MMP26: variants seen among roughly 807,000 people sequenced by gnomAD.
MMP26 encodes the protein matrix metalloproteinase-26.
Under a neutral mutation model 31.0 loss-of-function variants are expected in MMP26, and 33 were observed. The observed-to-expected ratio is 1.06, with a 90% CI of 0.81 to 1.42. The LOEUF (loss-of-function observed/expected upper bound fraction) is 1.42. MMP26 is among the 40% of genes most tolerant of loss of function. MMP26 has a pLI of 0.00. For synonymous variants in MMP26, 122 were observed against 114.9 expected, an observed-to-expected ratio of 1.06 and a Z score of -0.40; for missense variants, 347 against 316.1, an observed-to-expected ratio of 1.10 and a Z score of -0.74.
At chr11:4,725,024 T>A (rs1317136329) in intron 1 of MMP26, among the ~76,000 whole-genome samples, 1 of 152,178 alleles carries the variant, frequency 6.6e-6, no homozygotes, top group Non-Finnish European at 1.5e-5. Context: ...TCCCTCTTGG[T>A]GCTGTTTTTG....
chr11:4,804,182 C>T, intron 2 of MMP26: 1 of 1,614,070 alleles, frequency 6.2e-7, no homozygotes, highest in Non-Finnish European at 8.5e-7. Context: ...GCCAGCATGG[C>T]CAGAAAGAGG....
chr11:4,896,322 C>T (rs1850703172), intron 2 of MMP26, among the ~76,000 whole-genome samples: 1 of 152,176 alleles, frequency 6.6e-6, no homozygotes, highest in African/African-American at 2.4e-5. Context: ...TTTATCTACA[C>T]ACCGCTGATT....
Position 4,727,180 on chromosome 11 carries a change from A to T in MMP26, c.-217+22135A>T, listed in dbSNP as rs1416437382. Among the ~76,000 whole-genome samples, 4 of 152,238 alleles carry T rather than the reference A, an allele frequency of 2.6e-5. No homozygotes were observed. The South Asian group carries it at 6.2e-4, about 24-fold the overall frequency. ...AAAAGGAGTGAGGGTTAAAAAACAA[A>T]TAAGAAAATAAAAACAAAAACAAAA... is the stretch of plus-strand genomic sequence containing the variant. On this transcript the variant is annotated intron_variant, in intron 1 of 7. Transcript: ENST00000380390.
intron 1 of MMP26, chr11:4,722,814 G>T: frequency 2.1e-6 from 2 of 956,316 alleles, no homozygotes; most frequent in African/African-American, 1.6e-5. Flanking sequence ...CACGGCCCTG[G>T]TGGAGCTGGT....
chr11:4,846,325 T>C (rs1849866354), intron 2 of MMP26, among the ~76,000 whole-genome samples: 1 of 152,192 alleles, frequency 6.6e-6, no homozygotes, highest in Non-Finnish European at 1.5e-5. Context: ...TTGCATGTTC[T>C]CACTTATTTG....
intron 3 of MMP26, among the ~76,000 whole-genome samples, chr11:4,989,225 A>C (rs554409988): frequency 1.3e-5 from 2 of 152,322 alleles, no homozygotes; most frequent in South Asian, 4.1e-4. Flanking sequence ...GTAAATGCAA[A>C]TGAAATGGGG....
At chr11:4,966,736 C>A (rs1846600405) in intron 2 of MMP26, among the ~76,000 whole-genome samples, 1 of 152,014 alleles carries the variant, frequency 6.6e-6, no homozygotes, top group Non-Finnish European at 1.5e-5. Context: ...CGATGTTAGT[C>A]CATTTTGTTC....
intron 2 of MMP26, chr11:4,938,243 CG>C (rs1382115100): frequency 2.0e-5 from 3 of 152,000 alleles, no homozygotes; most frequent in Admixed American, 1.3e-4. Context: ...CCAGTGATCC[CG>C]ATAAGGAGGA....
intron 2 of MMP26, chr11:4,821,392 G>A (rs750870946): frequency 6.2e-7 from 1 of 1,612,560 alleles, no homozygotes; most frequent in Non-Finnish European, 8.5e-7. Context: ...TTAAATGACT[G>A]AAACATCCCT....
intron 1 of MMP26, among the ~76,000 whole-genome samples, chr11:4,757,016 C>T (rs1358061105): frequency 6.6e-6 from 1 of 151,858 alleles, no homozygotes; most frequent in Admixed American, 6.6e-5. Flanking sequence ...GACACTCATT[C>T]TATAATTTAT....
chr11:4,984,455 T>C (rs11034990), intron 2 of MMP26, among the ~76,000 whole-genome samples: 20,404 of 152,234 alleles, frequency 0.13, 1,819 homozygotes, highest in Admixed American at 0.23. Flanking sequence ...CTGAATTATA[T>C]GCTCGTATGT....
At chr11:4,897,017 C>T (rs1453814217) in intron 2 of MMP26, among the ~76,000 whole-genome samples, 1 of 152,108 alleles carries the variant, frequency 6.6e-6, no homozygotes, top group Non-Finnish European at 1.5e-5. Context: ...TATGGCCACA[C>T]TGACCATATA....
At chr11:4,806,470 T>C (rs1256927198) in intron 2 of MMP26, among the ~76,000 whole-genome samples, 1 of 152,172 alleles carries the variant, frequency 6.6e-6, no homozygotes, top group African/African-American at 2.4e-5. Flanking sequence ...CCTTTACCAT[T>C]ATGTAATGGG....
chr11:4,969,199 T>C (rs1303019840), intron 2 of MMP26, among the ~76,000 whole-genome samples: 2 of 152,022 alleles, frequency 1.3e-5, no homozygotes, highest in African/African-American at 4.8e-5. Context: ...TCTAGAGGCA[T>C]ATACTTACTC....
At chr11:4,810,481 T>C (rs903697709) in intron 2 of MMP26, among the ~76,000 whole-genome samples, 1 of 152,204 alleles carries the variant, frequency 6.6e-6, no homozygotes, top group Non-Finnish European at 1.5e-5. Context: ...TGCTATGAGT[T>C]CAAGGTTATT....
At chr11:4,843,005 A>G (rs1032348227) in intron 2 of MMP26, among the ~76,000 whole-genome samples, 1 of 152,118 alleles carries the variant, frequency 6.6e-6, no homozygotes, top group African/African-American at 2.4e-5. Flanking sequence ...TAAATCCTCA[A>G]AATAATCTCC....
intron 2 of MMP26, among the ~76,000 whole-genome samples, chr11:4,899,700 A>G (rs1009269761): frequency 6.6e-6 from 1 of 152,134 alleles, no homozygotes; most frequent in Admixed American, 6.5e-5. Context: ...GGATTAATTA[A>G]TTACCCCATC....
chr11:4,964,889 G>A (rs772477074), intron 2 of MMP26, among the ~76,000 whole-genome samples: 7 of 152,142 alleles, frequency 4.6e-5, no homozygotes, highest in Non-Finnish European at 7.3e-5. Context: ...GACACATGCA[G>A]GGGAACAACA....
rs140112419 is a variant in MMP26 at position 4,946,357 on chromosome 11, T to C, written c.-144-41711T>C. 4.3e-6 allele frequency: 7 copies of C among 1,613,658 alleles called. No homozygotes were observed. The African/African-American group carries it at 8.0e-5, about 19-fold the overall frequency. On this transcript the variant is annotated intron_variant, in intron 2 of 7. Transcript: ENST00000380390. ...TGATGGGCAGGTAGAAGATGATCAC[T>C]GCACAGATGTGTGAAACACAAGTAT...
Sources: gnomAD v4.1 joint callset for allele counts (sites outside exome capture counted in the v4.1 genomes callset) on GRCh38, gnomAD v4.1.1 for gene constraint, MANE v1.5 for transcripts, NCBI Gene and HGNC (gene_info 2026-07-23, HGNC 2026-07-21) for gene names.